CACNA1C: variants seen among roughly 807,000 people sequenced by gnomAD.
CACNA1C encodes voltage-dependent L-type calcium channel subunit alpha-1C.
In CACNA1C, 30 loss-of-function variants were observed where a neutral mutation model predicts 229.0. The ratio of observed to expected loss-of-function variants is 0.13; its 90% CI spans 0.10 to 0.18. CACNA1C has a LOEUF of 0.18. CACNA1C is among the 10% of genes least tolerant of loss of function. The pLI, the probability that CACNA1C is intolerant of heterozygous loss-of-function variation, is 1.00. For missense variants in CACNA1C, 1,658 were observed against 2,845.0 expected (o/e 0.58, Z 9.49); for synonymous variants, 1,114 against 1,132.5 (o/e 0.98, Z 0.33).
At chr12:2,581,475 AAGAGCAT>A in intron 13 of CACNA1C, 108 bp from the exon 14 acceptor site, 1 of 947,756 alleles carries the variant, frequency 1.1e-6, no homozygotes, top group Non-Finnish European at 1.5e-6. Context: ...GGCAGGGAAA[AAGAGCAT>A]AGAGTGGCAG....
At chr12:2,141,435 C>T (rs762805369) in intron 3 of CACNA1C, among the ~76,000 whole-genome samples, 1 of 151,224 alleles carries the variant, frequency 6.6e-6, no homozygotes, top group African/African-American at 2.4e-5. Flanking sequence ...GAAGGGAAGT[C>T]GGTCATGGAA....
intron 3 of CACNA1C, among the ~76,000 whole-genome samples, chr12:2,321,765 T>G (rs549566109): frequency 1.3e-5 from 2 of 152,292 alleles, no homozygotes; most frequent in African/African-American, 4.8e-5. Flanking sequence ...CATGTGAAGA[T>G]CTGGAGGAGA....
chr12:2,572,410 CTCCTGT>C (rs2055579306), intron 13 of CACNA1C, among the ~76,000 whole-genome samples: 2 of 69,036 alleles, frequency 2.9e-5, no homozygotes, highest in African/African-American at 6.1e-5. Flanking sequence ...CTTCCTCCTC[CTCCTGT>C]TCCTCCTCCT....
intron 3 of CACNA1C, among the ~76,000 whole-genome samples, chr12:2,210,321 G>T (rs994239147): frequency 6.6e-6 from 1 of 152,212 alleles, no homozygotes; most frequent in African/African-American, 2.4e-5. Flanking sequence ...TTCCATAGTT[G>T]GGAGTTGAGG....
Position 2,677,547 on chromosome 12 carries a change from T to A in CACNA1C, c.4957-186T>A. On this transcript the variant is annotated intron_variant, in intron 40 of 46. Transcript: ENST00000399655. The surrounding 1 kb of genome is among the most constrained non-coding windows in gnomAD (Gnocchi z 7.4). ...CCTTCATCCCTCCTGGATGGGCGAGTGGATTGTTCCATCAGAGGGCAGCCC... is the reference window on the plus strand; with the variant it reads ...CCTTCATCCCTCCTGGATGGGCGAGAGGATTGTTCCATCAGAGGGCAGCCC... 1.5e-6 allele frequency: 1 copy of A among 678,288 alleles called. No homozygotes were observed. Among genetic ancestry groups the A allele is most frequent in the East Asian group, 2.7e-5 (1 of 36,484 alleles). 42.0% of individuals were successfully genotyped at this position (678,288 alleles called of 1,614,324 possible).
chr12:2,582,699 A>G (rs539416342), intron 14 of CACNA1C, 123 bp from the exon 15 acceptor site: 1 of 981,922 alleles, frequency 1.0e-6, no homozygotes, highest in African/African-American at 1.6e-5. Flanking sequence ...GGCCAGGAGG[A>G]GGGAAAGAAG....
chr12:2,284,513 C>G (rs1424311970), intron 3 of CACNA1C, among the ~76,000 whole-genome samples: 1 of 152,202 alleles, frequency 6.6e-6, no homozygotes, highest in Non-Finnish European at 1.5e-5. Context: ...GGCGGGCATA[C>G]TGCCCGCTTC....
Position 2,633,190 on chromosome 12 carries a change from A to G in CACNA1C, c.3829-1107A>G, listed in dbSNP as rs1215509993. On this transcript the variant is annotated intron_variant, in intron 29 of 46. Transcript: ENST00000399655. This position sits in a 1 kb window ranked among gnomAD's most constrained non-coding sequence, Gnocchi z 5.8. Reference sequence around the variant, plus strand: ...AGCCCGCTACCCTCTGAGGGGTCACACACCTGTGTTCCCTCCCTCCAGACA... The same window carrying G: ...AGCCCGCTACCCTCTGAGGGGTCACGCACCTGTGTTCCCTCCCTCCAGACA... 6.6e-6 allele frequency among the ~76,000 whole-genome samples: 1 copy of G among 152,142 alleles called. No individual in the cohort carries two copies. Among genetic ancestry groups the G allele is most frequent in the Non-Finnish European group, 1.5e-5 (1 of 68,026 alleles).
Position 2,682,020 on chromosome 12 carries a change from C to T in CACNA1C, c.5445-530C>T, listed in dbSNP as rs773415051. On this transcript the variant is annotated intron_variant, in intron 42 of 46. Coordinates refer to ENST00000399655, the MANE Select transcript of CACNA1C (RefSeq NM_000719.7). ...TTCAGGCTCAGCAGGGACTCAGGCT[C>T]ACTGCCTTCTGCTCAGGAGAGCAAA... 5 of 1,610,994 alleles carry T rather than the reference C, an allele frequency of 3.1e-6. No homozygotes were observed. In the Admixed American group the frequency reaches 6.7e-5, roughly 21 times the overall value.
chr12:2,019,321 G>C lies in CACNA1C; in HGVS notation c.139+48120G>C, dbSNP rs189883115. 5.8e-3 allele frequency among the ~76,000 whole-genome samples: 878 copies of C among 152,142 alleles called. 8 individuals carry two copies. The highest frequency in any genetic ancestry group is 0.02 in the African/African-American group (812 of 41,506). ...TACAAAAAATTTTTAAAAAGTAGCT[G>C]GGTGTTGTGGCACGTGCCTGTAGTC... On this transcript the variant is annotated intron_variant, in intron 1 of 46. Coordinates refer to the CACNA1C transcript ENST00000682462.
At chr12:2,686,334 G>A (rs112813985) in intron 45 of CACNA1C, 65 bp downstream of exon 45, 36 of 1,260,828 alleles carry the variant, frequency 2.9e-5, no homozygotes, top group African/African-American at 4.4e-5. Context: ...CCAGGGTGAC[G>A]GACAAATCCT....
In CACNA1C at chr12:2,585,389, G is replaced by A; in HGVS notation, c.2353G>A (p.Glu785Lys). Residue 785 changes from glutamate (E) to lysine (K), a missense_variant, in exon 17 of 47, where the codon GAG (glutamate) becomes AAG (lysine). Coordinates refer to ENST00000399655, the MANE Select transcript of CACNA1C (RefSeq NM_000719.7). The surrounding 1 kb of genome is among the most constrained non-coding windows in gnomAD (Gnocchi z 4.1). ...RKKLARTASPEKKQELVEKPA... is the reference protein window; with the variant it reads ...RKKLARTASPKKKQELVEKPA... ...CTGACTGGCCAGGACTGCCAGCCCA[G>A]AGAAGAAACAAGAGTTGGTGGAGAA... 1 of 1,612,766 alleles carries A rather than the reference G, an allele frequency of 6.2e-7. No individual in the cohort carries two copies. The highest frequency in any genetic ancestry group is 8.5e-7 in the Non-Finnish European group (1 of 1,179,332).
intron 10 of CACNA1C, among the ~76,000 whole-genome samples, chr12:2,556,681 T>C (rs993897675): frequency 2.6e-5 from 4 of 152,194 alleles, no homozygotes; most frequent in African/African-American, 4.8e-5. Flanking sequence ...CATAGAAGTT[T>C]CTAGGCAGAC....
chr12:2,162,289 G>A (rs1032720527), intron 3 of CACNA1C, among the ~76,000 whole-genome samples: 7 of 151,552 alleles, frequency 4.6e-5, no homozygotes, highest in Admixed American at 6.6e-5. Context: ...GTCCCCTCCC[G>A]CTGAACCTAA....
At chr12:2,687,247 C>T (rs1481770803) in intron 45 of CACNA1C, among the ~76,000 whole-genome samples, 1 of 152,224 alleles carries the variant, frequency 6.6e-6, no homozygotes, top group Non-Finnish European at 1.5e-5. Context: ...TGTGGGGACA[C>T]TGTGTGTGCT....
Position 2,488,459 on chromosome 12 carries a change from C to T in CACNA1C, c.916+2197C>T, listed in dbSNP as rs2154570966. Reference sequence around the variant, plus strand: ...AGTACCGAACCTGTCATGGCCTCCTCTTCTCTTAGGACAAAGATAAGACTT... The same window carrying T: ...AGTACCGAACCTGTCATGGCCTCCTTTTCTCTTAGGACAAAGATAAGACTT... On this transcript the variant is annotated intron_variant, in intron 6 of 46. Transcript: ENST00000399655. This position sits in a 1 kb window ranked among gnomAD's most constrained non-coding sequence, Gnocchi z 4.0. Among the ~76,000 whole-genome samples the T allele has an allele frequency of 6.6e-6, 1 of 152,352 alleles. No individual in the cohort carries two copies. Among genetic ancestry groups the T allele is most frequent in the African/African-American group, 2.4e-5 (1 of 41,588 alleles).
At chr12:2,684,678 A>T (rs2097351719) in intron 43 of CACNA1C, among the ~76,000 whole-genome samples, 1 of 152,180 alleles carries the variant, frequency 6.6e-6, no homozygotes, top group Admixed American at 6.5e-5. Flanking sequence ...GAGAAAGTTG[A>T]GGGCAGGGTG....
chr12:2,331,028 A>C (rs936408851), intron 3 of CACNA1C, among the ~76,000 whole-genome samples: 1 of 152,190 alleles, frequency 6.6e-6, no homozygotes, highest in African/African-American at 2.4e-5. Context: ...TTGGGAAAGT[A>C]CTTACCACGA....
At chr12:2,100,482 A>C (rs1372423709) in intron 1 of CACNA1C, among the ~76,000 whole-genome samples, 2 of 20,624 alleles carry the variant, frequency 9.7e-5, no homozygotes, top group African/African-American at 1.6e-4. Context: ...AAAAAAAACA[A>C]AAAAAAAAAA....
Sources: allele counts gnomAD v4.1 joint callset (sites outside exome capture counted in the v4.1 genomes callset), GRCh38; gene constraint gnomAD v4.1.1; non-coding constraint Gnocchi (gnomAD v3.1); transcripts MANE v1.5; gene names NCBI Gene and HGNC (gene_info 2026-07-23, HGNC 2026-07-21).